MAP3K15: variants seen among roughly 807,000 people sequenced by gnomAD.
The protein encoded by MAP3K15 is MAPK/ERK kinase kinase 15.
MAP3K15 carries 124 observed loss-of-function variants against 99.5 expected under a neutral mutation model. The observed-to-expected ratio is 1.25, with a 90% CI of 1.08 to 1.45. MAP3K15 has a LOEUF of 1.45. MAP3K15 is among the 40% of genes most tolerant of loss of function. MAP3K15 has a pLI of 0.00. For synonymous variants in MAP3K15, 494 were observed against 439.6 expected, an observed-to-expected ratio of 1.12 and a Z score of -1.55; for missense variants, 1,242 against 1,079.7, an observed-to-expected ratio of 1.15 and a Z score of -2.11.
At chrX:19,509,377 C>T (rs2064502734) in intron 1 of MAP3K15, among the ~76,000 whole-genome samples, 1 of 111,870 alleles carries the variant, frequency 8.9e-6, no homozygotes, top group Non-Finnish European at 1.9e-5. Flanking sequence ...TGCAAAAGAA[C>T]AGAAATCATA....
intron 6 of MAP3K15, among the ~76,000 whole-genome samples, chrX:19,433,446 T>C (rs960694002): frequency 9.0e-6 from 1 of 111,158 alleles, no homozygotes; most frequent in African/African-American, 3.3e-5. Flanking sequence ...CTCCTGCCCT[T>C]AGACATCAGA....
rs1255727603 is a variant in MAP3K15 at position 19,490,137 on chromosome X, T to TTA, written c.362-1172_362-1171dup. ...CAATACGTACAGGCATGTATAGGCATTATACACACACACACACACACACAC... is the reference window on the plus strand; with the variant it reads ...CAATACGTACAGGCATGTATAGGCATTATATACACACACACACACACACACAC... On this transcript the variant is annotated intron_variant, in intron 1 of 28. Coordinates refer to ENST00000338883, the MANE Select transcript of MAP3K15 (RefSeq NM_001001671.4). Among the ~76,000 whole-genome samples, 9 of 84,237 alleles carry TTA rather than the reference T, an allele frequency of 1.1e-4. No homozygotes were observed. In the East Asian group the frequency reaches 1.1e-3, roughly 10 times the overall value. 73.1% of individuals were successfully genotyped at this position (84,237 alleles called of 115,157 possible). A position where few individuals can be genotyped will look rare whatever the true frequency, so the allele number is the denominator to read the frequency against.
chrX:19,487,393 T>C (rs1225434552), intron 2 of MAP3K15, among the ~76,000 whole-genome samples: 8 of 111,863 alleles, frequency 7.2e-5, no homozygotes, highest in Admixed American at 2.9e-4. Flanking sequence ...AAATTCTAAT[T>C]TCATGTTTTT....
intron 4 of MAP3K15, among the ~76,000 whole-genome samples, chrX:19,463,158 C>T (rs1223325576): frequency 1.8e-5 from 2 of 112,112 alleles, no homozygotes; most frequent in Non-Finnish European, 3.8e-5. Context: ...AGGAATGTGC[C>T]ACAAAATGTC....
intron 6 of MAP3K15, among the ~76,000 whole-genome samples, chrX:19,432,736 G>A (rs75611958): frequency 2.8e-5 from 2 of 70,347 alleles, no homozygotes; most frequent in Non-Finnish European, 5.5e-5. Flanking sequence ...TTTTTTTTTT[G>A]AGACAGTCTC....
At chrX:19,360,858 C>T (rs1401261893) in intron 28 of MAP3K15, 25 bp from the exon 29 acceptor site, 2 of 1,120,961 alleles carry the variant, frequency 1.8e-6, no homozygotes, top group Non-Finnish European at 2.4e-6. Context: ...CAGCTGTCTT[C>T]AGAGTCAGTG....
chrX:19,426,981 T>A (rs2063837901), intron 7 of MAP3K15, among the ~76,000 whole-genome samples: 1 of 110,003 alleles, frequency 9.1e-6, no homozygotes, highest in South Asian at 3.9e-4. Context: ...TTAAAATCAA[T>A]TCTAATCCTA....
intron 7 of MAP3K15, among the ~76,000 whole-genome samples, chrX:19,429,950 T>A (rs773416297): frequency 3.1e-4 from 34 of 111,314 alleles, no homozygotes; most frequent in Non-Finnish European, 5.7e-4. Context: ...AACATTTTTG[T>A]CCCCACCACC....
chrX:19,368,696 T>C (rs959102538), intron 25 of MAP3K15, among the ~76,000 whole-genome samples: 2 of 110,523 alleles, frequency 1.8e-5, no homozygotes, highest in African/African-American at 6.6e-5. Context: ...AGGGGCAGGC[T>C]GCTGAGCCTG....
At chrX:19,479,638 T>C (rs1395749732) in intron 3 of MAP3K15, among the ~76,000 whole-genome samples, 4 of 112,439 alleles carry the variant, frequency 3.6e-5, no homozygotes, top group Non-Finnish European at 7.5e-5. Context: ...GCAATGCCTA[T>C]GGACTATGTA....
chrX:19,444,226 T>C (rs775907115), intron 6 of MAP3K15, among the ~76,000 whole-genome samples: 6 of 112,321 alleles, frequency 5.3e-5, no homozygotes, highest in Non-Finnish European at 7.5e-5. Flanking sequence ...AGACCTATTC[T>C]AGTGTGCTGC....
chrX:19,451,792 G>A (rs2064040864), intron 6 of MAP3K15, among the ~76,000 whole-genome samples: 1 of 110,082 alleles, frequency 9.1e-6, no homozygotes, highest in Non-Finnish European at 1.9e-5. Flanking sequence ...TGCCAGGCAT[G>A]GTGGTTCATG....
chrX:19,504,341 G>T (rs931586501), intron 1 of MAP3K15, among the ~76,000 whole-genome samples: 6 of 110,965 alleles, frequency 5.4e-5, no homozygotes, highest in African/African-American at 2.0e-4. Flanking sequence ...TCACCTAACT[G>T]CTTTAAGCCC....
At chrX:19,401,912 C>G (rs1348156959) in intron 13 of MAP3K15, among the ~76,000 whole-genome samples, 2 of 111,863 alleles carry the variant, frequency 1.8e-5, no homozygotes, top group Admixed American at 9.5e-5. Flanking sequence ...ACCTTTTCTT[C>G]TAATCTTTGA....
At chrX:19,451,106 C>T (rs866336539) in intron 6 of MAP3K15, among the ~76,000 whole-genome samples, 12 of 107,389 alleles carry the variant, frequency 1.1e-4, no homozygotes, top group African/African-American at 3.3e-4. Flanking sequence ...GCCAACAGGG[C>T]GAAACCCCAT....
intron 1 of MAP3K15, among the ~76,000 whole-genome samples, chrX:19,495,013 T>A (rs191311542): frequency 9.0e-6 from 1 of 111,299 alleles, no homozygotes; most frequent in African/African-American, 3.3e-5. Context: ...TTGTGAAGTG[T>A]TTTGTTTGTT....
At chrX:19,476,538 T>C (rs550302676) in intron 3 of MAP3K15, among the ~76,000 whole-genome samples, 1 of 112,254 alleles carries the variant, frequency 8.9e-6, no homozygotes, top group Admixed American at 9.4e-5. Flanking sequence ...ACAGATATAA[T>C]TATTTGTCTA....
chrX:19,433,481 C>A (rs1417679306), intron 6 of MAP3K15, among the ~76,000 whole-genome samples: 1 of 111,083 alleles, frequency 9.0e-6, no homozygotes, highest in Non-Finnish European at 1.9e-5. Context: ...GACCTTCTGG[C>A]TTCAGGACTT....
chrX:19,430,937 T>C (rs2063876089), intron 7 of MAP3K15, among the ~76,000 whole-genome samples: 1 of 111,540 alleles, frequency 9.0e-6, no homozygotes, highest in South Asian at 3.8e-4. Context: ...CCTTTCCCCA[T>C]AGCCCTCAGA....
Sources: gnomAD v4.1 joint callset for allele counts (sites outside exome capture counted in the v4.1 genomes callset) on GRCh38, gnomAD v4.1.1 for gene constraint, MANE v1.5 for transcripts, NCBI Gene and HGNC (gene_info 2026-07-23, HGNC 2026-07-21) for gene names.